DPY19L2: variants seen among roughly 807,000 people sequenced by gnomAD.
DPY19L2 encodes dpy-19 like 2.
DPY19L2 carries 34 observed loss-of-function variants against 97.9 expected under a neutral mutation model. The observed-to-expected ratio is 0.35, with a 90% CI of 0.26 to 0.46. The LOEUF (loss-of-function observed/expected upper bound fraction) is 0.46. Among genes scored for constraint, DPY19L2 ranks in the 20% least tolerant of loss-of-function variants. DPY19L2 has a pLI of 1.00. For missense variants in DPY19L2, 623 were observed against 911.4 expected, an observed-to-expected ratio of 0.68 and a Z score of 4.07; for synonymous variants, 230 against 307.9, an observed-to-expected ratio of 0.75 and a Z score of 2.65.
chr12:63,611,600 C>A (rs1887019832), intron 11 of DPY19L2, among the ~76,000 whole-genome samples: 1 of 151,622 alleles, frequency 6.6e-6, no homozygotes, highest in Non-Finnish European at 1.5e-5. Flanking sequence ...CTTCAAAGAT[C>A]CAAAATGAAC....
chr12:63,609,245 G>A lies in DPY19L2; in HGVS notation c.1219-570C>T, dbSNP rs1244851342. Among the ~76,000 whole-genome samples the A allele has an allele frequency of 2.6e-5, 4 of 151,988 alleles. No homozygotes were observed. In the East Asian group the frequency reaches 7.7e-4, roughly 29 times the overall value. On this transcript the variant is annotated intron_variant, in intron 11 of 21. Transcript: ENST00000324472. ...CTATAGGCTTGTATTGTAAGGGGAG[G>A]GCAGCAGAAGAGGCCTTGGGTCTAT... is the stretch of plus-strand genomic sequence containing the variant.
intron 19 of DPY19L2, among the ~76,000 whole-genome samples, chr12:63,577,463 G>C (rs1880051585): frequency 6.6e-6 from 1 of 152,066 alleles, no homozygotes; most frequent in Admixed American, 6.6e-5. Flanking sequence ...AAAAGCTTCT[G>C]CACAGCAAAG....
chr12:63,573,703 T>C (rs944863300), intron 19 of DPY19L2, among the ~76,000 whole-genome samples: 2 of 151,872 alleles, frequency 1.3e-5, no homozygotes, highest in African/African-American at 2.4e-5. Context: ...AAGAAACAAA[T>C]AACATACAAT....
At chr12:63,612,357 A>C (rs1335736834) in intron 11 of DPY19L2, among the ~76,000 whole-genome samples, 9 of 152,082 alleles carry the variant, frequency 5.9e-5, no homozygotes, top group Non-Finnish European at 8.8e-5. Context: ...ACATTTTAAA[A>C]ATTTCAAATA....
At chr12:63,666,950 T>G (rs887769870) in intron 1 of DPY19L2, among the ~76,000 whole-genome samples, 4 of 152,178 alleles carry the variant, frequency 2.6e-5, no homozygotes, top group African/African-American at 7.2e-5. Context: ...AAATTAAATT[T>G]TTAAAAATTA....
At chr12:63,604,617 C>T (rs1203845019) in intron 12 of DPY19L2, among the ~76,000 whole-genome samples, 1 of 152,074 alleles carries the variant, frequency 6.6e-6, no homozygotes, top group Non-Finnish European at 1.5e-5. Flanking sequence ...GTAATATTCA[C>T]TCTGCTACCA....
chr12:63,565,716 CAG>C (rs1436248189), intron 21 of DPY19L2, among the ~76,000 whole-genome samples: 1 of 152,116 alleles, frequency 6.6e-6, no homozygotes, highest in Non-Finnish European at 1.5e-5. Context: ...TCTGTCATCT[CAG>C]TGTTTTCTTT....
At chr12:63,611,913 T>G (rs1189458930) in intron 11 of DPY19L2, among the ~76,000 whole-genome samples, 2 of 152,016 alleles carry the variant, frequency 1.3e-5, no homozygotes, top group African/African-American at 4.8e-5. Context: ...CCTAAAGATC[T>G]AAGAATTTCA....
intron 11 of DPY19L2, among the ~76,000 whole-genome samples, chr12:63,609,453 C>A (rs1194059757): frequency 6.6e-6 from 1 of 151,956 alleles, no homozygotes; most frequent in Admixed American, 6.5e-5. Context: ...AGGGTGAAAC[C>A]CTCATGAATG....
At chr12:63,589,393 G>C (rs1449737804) in intron 16 of DPY19L2, among the ~76,000 whole-genome samples, 1 of 35,378 alleles carries the variant, frequency 2.8e-5, no homozygotes, top group East Asian at 8.7e-4. Context: ...AAAAAAAAAA[G>C]TAAAGCAGCT....
chr12:63,649,738 C>T (rs1460334736), intron 4 of DPY19L2, among the ~76,000 whole-genome samples: 3 of 152,172 alleles, frequency 2.0e-5, no homozygotes, highest in Non-Finnish European at 4.4e-5. Flanking sequence ...CAGCCAAATT[C>T]TACCAGACAT....
intron 11 of DPY19L2, among the ~76,000 whole-genome samples, chr12:63,611,345 T>C (rs1278206588): frequency 6.6e-6 from 1 of 151,586 alleles, no homozygotes; most frequent in Non-Finnish European, 1.5e-5. Flanking sequence ...TCTATAGGAA[T>C]AAGAAAATAA....
rs535514962 is a variant in DPY19L2, at chr12:63,623,903, C to T, written c.953+137G>A. The T allele has an allele frequency of 2.2e-4, 128 of 578,132 alleles. No homozygotes were observed. In the African/African-American group the frequency reaches 2.3e-3, roughly 10 times the overall value. 35.8% of individuals were successfully genotyped at this position (578,132 alleles called of 1,614,324 possible). A position where few individuals can be genotyped will look rare whatever the true frequency, so the allele number is the denominator to read the frequency against. The stretch of plus-strand genomic sequence containing the variant: ...TATTTTAGTAGAGATGTGGTTTCAC[C>T]ATGTTGGCCAGGCTGGTCTCGAACT... On this transcript the variant is annotated intron_variant, in intron 8 of 21. Transcript: ENST00000324472.
At chr12:63,638,060 A>T (rs1053712690) in intron 6 of DPY19L2, among the ~76,000 whole-genome samples, 2 of 152,178 alleles carry the variant, frequency 1.3e-5, no homozygotes, top group African/African-American at 4.8e-5. Flanking sequence ...CAACATACGC[A>T]AATCAATAAA....
At chr12:63,662,488 T>C (rs1483798045) in intron 3 of DPY19L2, among the ~76,000 whole-genome samples, 2 of 150,994 alleles carry the variant, frequency 1.3e-5, no homozygotes, top group African/African-American at 4.9e-5. Context: ...TTTAGGGAAA[T>C]ATTAAATATA....
chr12:63,657,705 C>T (rs1418327979), intron 4 of DPY19L2, among the ~76,000 whole-genome samples: 3 of 152,064 alleles, frequency 2.0e-5, no homozygotes, highest in Non-Finnish European at 2.9e-5. Context: ...TGAGCAGAGT[C>T]TGAGCAATGA....
chr12:63,596,467 A>G (rs1382649089), intron 14 of DPY19L2, among the ~76,000 whole-genome samples: 3 of 152,178 alleles, frequency 2.0e-5, no homozygotes, highest in Non-Finnish European at 2.9e-5. Context: ...AACTATGAAT[A>G]AGTACAGAAA....
At chr12:63,589,324 A>C (rs1307598090) in intron 16 of DPY19L2, among the ~76,000 whole-genome samples, 2 of 135,006 alleles carry the variant, frequency 1.5e-5, no homozygotes, top group Non-Finnish European at 3.2e-5. Context: ...CCAGAAAGAA[A>C]GTTTGGTAAT....
chr12:63,639,071 T>C lies in DPY19L2; in HGVS notation c.803+5332A>G, dbSNP rs548370923. 3.3e-5 allele frequency among the ~76,000 whole-genome samples: 5 copies of C among 152,228 alleles called. No homozygotes were observed. The East Asian group carries it at 7.7e-4, about 24-fold the overall frequency. On this transcript the variant is annotated intron_variant, in intron 6 of 21. Transcript: ENST00000324472. ...GCTGCATATCTACAACCATCTGATC[T>C]TTGACAAACTTGACAAAAACAAGCA... is the stretch of plus-strand genomic sequence containing the variant.
Sources: gnomAD v4.1 joint callset for allele counts (sites outside exome capture counted in the v4.1 genomes callset) on GRCh38, gnomAD v4.1.1 for gene constraint, MANE v1.5 for transcripts, NCBI Gene and HGNC (gene_info 2026-07-23, HGNC 2026-07-21) for gene names.